NLRP5: variants seen among roughly 807,000 people sequenced by gnomAD.
The protein encoded by NLRP5 is NLR family pyrin domain containing 5, also known as NACHT, LRR and PYD domains-containing protein 5.
In NLRP5, 93 loss-of-function variants were observed where a neutral mutation model predicts 113.1. That is an observed-to-expected ratio of 0.82 (90% CI 0.70 to 0.98). The LOEUF (loss-of-function observed/expected upper bound fraction) is 0.98. NLRP5 is among the 50% of genes least tolerant of loss of function. The pLI, the probability that NLRP5 is intolerant of heterozygous loss-of-function variation, is 0.00. For missense variants in NLRP5, 1,808 were observed against 1,514.3 expected (o/e 1.19, Z -3.22); for synonymous variants, 751 against 600.7 (o/e 1.25, Z -3.66).
At chr19:56,057,384 C>G (rs1198408864) in intron 13 of NLRP5, among the ~76,000 whole-genome samples, 1 of 147,932 alleles carries the variant, frequency 6.8e-6, no homozygotes, top group Admixed American at 6.8e-5. Flanking sequence ...AGATGAAATT[C>G]TAAACCCTTA....
rs79827777 is a variant in NLRP5 at position 56,024,357 on chromosome 19, G to C, written c.680-2556G>C. ...TCTCTGCTTAAAAAAAAAAAAAAAAGAACAAATATATATATATGTGTATAT... is the reference window on the plus strand; with the variant it reads ...TCTCTGCTTAAAAAAAAAAAAAAAACAACAAATATATATATATGTGTATAT... On this transcript the variant is annotated intron_variant, in intron 6 of 14. Transcript: ENST00000390649. 4.6e-5 allele frequency among the ~76,000 whole-genome samples: 5 copies of C among 109,142 alleles called. No homozygotes were observed. The East Asian group carries it at 7.2e-4, about 16-fold the overall frequency. 71.6% of individuals were successfully genotyped at this position (109,142 alleles called of 152,430 possible).
Position 56,027,065 on chromosome 19 carries a change from C to G in NLRP5, c.832C>G (p.Arg278Gly). Residue 278 changes from arginine (R) to glycine (G), a missense_variant, in exon 7 of 15, where the codon CGG (arginine) becomes GGG (glycine). Physicochemically the swap from Arg to Gly is moderately radical, Grantham distance 125 (BLOSUM62 -2). Coordinates refer to ENST00000390649, the MANE Select transcript of NLRP5 (RefSeq NM_153447.4). ...TTTTGATTCAGACCGGTGGGGCTTCCGGCCTCGCACGGTGGTTCTGCACGG... is the reference window on the plus strand; with the variant it reads ...TTTTGATTCAGACCGGTGGGGCTTCGGGCCTCGCACGGTGGTTCTGCACGG... The G allele has an allele frequency of 6.4e-7, 1 of 1,556,176 alleles. No individual in the cohort carries two copies. Among genetic ancestry groups the G allele is most frequent in the Non-Finnish European group, 8.7e-7 (1 of 1,149,800 alleles).
Position 56,055,573 on chromosome 19 carries a change from T to C in NLRP5, c.3299+1765T>C, listed in dbSNP as rs1433017438. ...TTTTTTTTTTTTTTTTAAGATAGAG[T>C]CTTGCTCTGTCCCCCAGGCTGGAGT... On this transcript the variant is annotated intron_variant, in intron 13 of 14. Coordinates refer to ENST00000390649, the MANE Select transcript of NLRP5 (RefSeq NM_153447.4). 6.0e-5 allele frequency among the ~76,000 whole-genome samples: 7 copies of C among 117,436 alleles called. No homozygotes were observed. The East Asian group carries it at 7.4e-4, about 12-fold the overall frequency. The allele number at this position is 117,436 out of a possible 152,430, so 77.0% of individuals were successfully genotyped here.
intron 4 of NLRP5, among the ~76,000 whole-genome samples, chr19:56,018,326 C>G (rs2123290656): frequency 6.6e-6 from 1 of 152,244 alleles, no homozygotes; most frequent in Admixed American, 6.5e-5. Flanking sequence ...CTCATATATC[C>G]TAAGACGAAT....
intron 7 of NLRP5, among the ~76,000 whole-genome samples, chr19:56,031,990 C>A (rs951895945): frequency 6.6e-6 from 1 of 152,114 alleles, no homozygotes; most frequent in Non-Finnish European, 1.5e-5. Context: ...AACCTCTGTA[C>A]TGTTTTCCAC....
rs1983498347 is a variant in NLRP5, at chr19:56,040,936, G to A, written c.2801G>A (p.Gly934Asp). 1 of 1,613,874 alleles carries A rather than the reference G, an allele frequency of 6.2e-7. No individual in the cohort carries two copies. The highest frequency in any genetic ancestry group is 8.5e-7 in the Non-Finnish European group (1 of 1,179,788). ...TCTTCTTGCAGACTGGAGGACTGTG[G>A]CATCACAGCCACGGGTTGCCAGAGT... Residue 934 changes from glycine to aspartate, a missense_variant, in exon 11 of 15, where the codon GGC becomes GAC. Gly to Asp is a moderately conservative substitution (Grantham distance 94). Transcript: ENST00000390649.
chr19:56,001,901 TGGG>T (rs113942022), intron 1 of NLRP5, among the ~76,000 whole-genome samples: 1 of 151,960 alleles, frequency 6.6e-6, no homozygotes, highest in Non-Finnish European at 1.5e-5. Context: ...AAAGTAATGG[TGGG>T]GGGAAAGGAG....
chr19:56,026,618 G>T (rs1982862704), intron 6 of NLRP5, among the ~76,000 whole-genome samples: 1 of 149,716 alleles, frequency 6.7e-6, no homozygotes, highest in Non-Finnish European at 1.5e-5. Context: ...CTCGCTCTGT[G>T]ACCAGGCTGG....
intron 2 of NLRP5, among the ~76,000 whole-genome samples, 151 bp downstream of exon 2, chr19:56,004,246 G>A (rs1981770013): frequency 6.6e-6 from 1 of 152,136 alleles, no homozygotes; most frequent in Admixed American, 6.6e-5. Context: ...ATCGTCATTG[G>A]TTGGAAATTA....
At chr19:56,048,169 C>T (rs1983797035) in intron 11 of NLRP5, among the ~76,000 whole-genome samples, 2 of 152,250 alleles carry the variant, frequency 1.3e-5, no homozygotes, top group South Asian at 2.1e-4. Context: ...TTTTATTCTG[C>T]ATTCTGTATC....
Position 56,012,850 on chromosome 19 carries a change from C to T in NLRP5, c.509-2892C>T, listed in dbSNP as rs542288218. Among the ~76,000 whole-genome samples, 13 of 152,216 alleles carry T rather than the reference C, an allele frequency of 8.5e-5. No individual in the cohort carries two copies. The South Asian group carries it at 2.1e-3, about 24-fold the overall frequency. On this transcript the variant is annotated intron_variant, in intron 3 of 14. Coordinates refer to ENST00000390649, the MANE Select transcript of NLRP5 (RefSeq NM_153447.4). The stretch of plus-strand genomic sequence containing the variant: ...TGCTGATAAGTCACTTCAAATTTGG[C>T]GTCTGTGTTTGAGTGAACTGGTCTG...
chr19:56,055,004 T>C (rs1307617256), intron 13 of NLRP5, among the ~76,000 whole-genome samples: 1 of 140,914 alleles, frequency 7.1e-6, no homozygotes, highest in Non-Finnish European at 1.5e-5. Context: ...TTTTTTTTTT[T>C]TTTTTTTTTT....
chr19:56,054,090 C>A (rs367934), intron 13 of NLRP5, among the ~76,000 whole-genome samples: 3 of 152,122 alleles, frequency 2.0e-5, no homozygotes, highest in Admixed American at 6.5e-5. Context: ...TGCTAAATGG[C>A]GGAAGTATGG....
At chr19:56,007,548 G>A (rs1981974102) in intron 2 of NLRP5, among the ~76,000 whole-genome samples, 1 of 151,250 alleles carries the variant, frequency 6.6e-6, no homozygotes, top group South Asian at 2.1e-4. Flanking sequence ...TTAACAGAGG[G>A]TTTGGCTGGG....
intron 10 of NLRP5, 71 bp from the exon 11 acceptor site, chr19:56,040,848 CCTT>C: frequency 7.6e-7 from 1 of 1,319,610 alleles, no homozygotes; most frequent in Non-Finnish European, 1.1e-6. Context: ...TCTTTCCCCT[CCTT>C]GTAAAGGAGG....
chr19:56,005,598 G>T (rs1981870865), intron 2 of NLRP5, among the ~76,000 whole-genome samples: 1 of 145,090 alleles, frequency 6.9e-6, no homozygotes, highest in Non-Finnish European at 1.5e-5. Context: ...CACGCAGGTG[G>T]CATGCCTGTA....
intron 11 of NLRP5, among the ~76,000 whole-genome samples, chr19:56,045,792 G>T (rs1174224555): frequency 6.6e-6 from 1 of 152,188 alleles, no homozygotes. Context: ...GGTGGGAGGG[G>T]TCACAGGGCA....
chr19:56,000,858 T>G (rs1428795019), intron 1 of NLRP5, among the ~76,000 whole-genome samples: 1 of 151,154 alleles, frequency 6.6e-6, no homozygotes, highest in Non-Finnish European at 1.5e-5. Flanking sequence ...ACACAAAAAT[T>G]AGCCAGGCCT....
chr19:56,017,643 T>C (rs73934621), intron 4 of NLRP5, among the ~76,000 whole-genome samples: 5,241 of 152,322 alleles, frequency 0.034, 311 homozygotes, highest in African/African-American at 0.12. Flanking sequence ...TCAAGGAACA[T>C]AAACTTGAAG....
Sources: allele counts gnomAD v4.1 joint callset (sites outside exome capture counted in the v4.1 genomes callset), GRCh38; gene constraint gnomAD v4.1.1; transcripts MANE v1.5; gene names NCBI Gene and HGNC (gene_info 2026-07-23, HGNC 2026-07-21).